KDM2A: variants seen among roughly 807,000 people sequenced by gnomAD.
KDM2A encodes the protein lysine demethylase 2A, also known as lysine-specific demethylase 2A.
Under a neutral mutation model 137.3 loss-of-function variants are expected in KDM2A, and 3 were observed. The ratio of observed to expected loss-of-function variants is 0.02; its 90% CI spans 0.01 to 0.06. KDM2A has a LOEUF of 0.06. Ranked by LOEUF, KDM2A falls within the 10% of genes least tolerant of loss-of-function variation. KDM2A has a pLI of 1.00. For synonymous variants in KDM2A, 512 were observed against 541.5 expected (o/e 0.95, Z 0.76); for missense variants, 738 against 1,510.6 (o/e 0.49, Z 8.48).
chr11:67,224,389 T>G (rs956121935), intron 10 of KDM2A, among the ~76,000 whole-genome samples: 11 of 152,020 alleles, frequency 7.2e-5, no homozygotes, highest in Admixed American at 5.2e-4. Context: ...GAAGGATCAC[T>G]TAATCCCAGG....
chr11:67,254,511 T>C lies in KDM2A; in HGVS notation c.3307+93T>C. On this transcript the variant is annotated intron_variant, in intron 20 of 20. Transcript: ENST00000529006. The surrounding 1 kb of genome is among the most constrained non-coding windows in gnomAD (Gnocchi z 4.7). ...GTAAACCAGAATGACCTTGGGTCTG[T>C]TGATTGACCCACATCAGCTCATTTC... is the stretch of plus-strand genomic sequence containing the variant. 1 of 1,073,120 alleles carries C rather than the reference T, an allele frequency of 9.3e-7. No homozygotes were observed. Among genetic ancestry groups the C allele is most frequent in the Non-Finnish European group, 1.4e-6 (1 of 702,584 alleles). The allele number at this position is 1,073,120 out of a possible 1,614,324, so 66.5% of individuals were successfully genotyped here. A position where few individuals can be genotyped will look rare whatever the true frequency, so the allele number is the denominator to read the frequency against.
chr11:67,126,929 A>T (rs921990126), intron 2 of KDM2A, among the ~76,000 whole-genome samples: 7 of 151,846 alleles, frequency 4.6e-5, no homozygotes. Context: ...GTAAGACTTA[A>T]TTTTTTTTAG....
chr11:67,248,594 C>G, intron 16 of KDM2A: 1 of 467,940 alleles, frequency 2.1e-6, no homozygotes, highest in Non-Finnish European at 3.9e-6. Context: ...CACTTGGGAT[C>G]TGCAAATTCC....
chr11:67,229,978 C>G (rs1236821392), intron 11 of KDM2A, among the ~76,000 whole-genome samples: 1 of 151,926 alleles, frequency 6.6e-6, no homozygotes, highest in African/African-American at 2.4e-5. Flanking sequence ...AGATCGAGAC[C>G]ATCCTGGCTA....
At chr11:67,199,591 A>C (rs1857567310) in intron 5 of KDM2A, among the ~76,000 whole-genome samples, 1 of 152,228 alleles carries the variant, frequency 6.6e-6, no homozygotes, top group South Asian at 2.1e-4. Flanking sequence ...TAAAGCCCTG[A>C]TTCTCTTTAA....
chr11:67,123,875 C>T (rs1311834415), intron 2 of KDM2A, among the ~76,000 whole-genome samples: 1 of 151,940 alleles, frequency 6.6e-6, no homozygotes, highest in African/African-American at 2.4e-5. Context: ...CTGAGTTTCA[C>T]CTTGTTGGCC....
chr11:67,173,909 G>C (rs1285527149), intron 2 of KDM2A, among the ~76,000 whole-genome samples: 2 of 151,198 alleles, frequency 1.3e-5, no homozygotes, highest in Non-Finnish European at 3.0e-5. Context: ...ATAGGGTCTT[G>C]GTATGTTGCC....
chr11:67,180,286 G>GTACT, intron 3 of KDM2A, 69 bp downstream of exon 3: 1 of 1,497,440 alleles, frequency 6.7e-7, no homozygotes, highest in Non-Finnish European at 9.0e-7. Context: ...AGCATTGGGG[G>GTACT]TTTAGCCTTT....
rs1376342927 is a variant in KDM2A, at chr11:67,215,441, G to A, written c.588G>A (p.Val196=). ...TCTTGGAGATGCAGTACCCTAAAGT[G>A]CAGAAGTAAGTGATGCGCCCTGCAT... ...NAILEMQYPK[V]QKYCLMSVRG... The change falls in exon 7 of 21, where the codon GTG becomes GTA. Residue 196 remains valine (V), a synonymous_variant. Transcript: ENST00000529006. 7 of 1,607,410 alleles carry A rather than the reference G, an allele frequency of 4.4e-6. No homozygotes were observed. The Admixed American group carries it at 1.0e-4, about 23-fold the overall frequency.
Position 67,159,722 on chromosome 11 carries a change from A to G in KDM2A, c.43-20357A>G, listed in dbSNP as rs540359024. ...GTCAGGCATTTGATAGGTACTGGGA[A>G]GACAGTGGTGAAAAAGAGATTTCTA... On this transcript the variant is annotated intron_variant, in intron 2 of 20. Coordinates refer to ENST00000529006, the MANE Select transcript of KDM2A (RefSeq NM_012308.3). Among the ~76,000 whole-genome samples the G allele has an allele frequency of 2.6e-5, 4 of 152,346 alleles. No homozygotes were observed. The South Asian group carries it at 6.2e-4, about 24-fold the overall frequency.
At position 67,250,906 on chromosome 11, in the gene KDM2A, T is replaced by C. The variant is rs1859401617; in HGVS notation, c.2768+108T>C. ...GCATCTGAAAGCCTGTGGGGTCTTATGAGGAGTGAATTGACCCTTTTTCCC... is the reference window on the plus strand; with the variant it reads ...GCATCTGAAAGCCTGTGGGGTCTTACGAGGAGTGAATTGACCCTTTTTCCC... On this transcript the variant is annotated intron_variant, in intron 17 of 20. Coordinates refer to ENST00000529006, the MANE Select transcript of KDM2A (RefSeq NM_012308.3). The surrounding 1 kb of genome is among the most constrained non-coding windows in gnomAD (Gnocchi z 7.1). 2.0e-5 allele frequency: 17 copies of C among 848,342 alleles called. No individual in the cohort carries two copies. The highest frequency in any genetic ancestry group is 5.1e-5 in the African/African-American group (3 of 58,968). 52.6% of individuals were successfully genotyped at this position (848,342 alleles called of 1,614,324 possible).
chr11:67,181,972 T>G, intron 5 of KDM2A, 80 bp downstream of exon 5: 1 of 1,194,154 alleles, frequency 8.4e-7, no homozygotes, highest in Non-Finnish European at 1.2e-6. Flanking sequence ...GACTGAGATT[T>G]AAGGCCTAGG....
At chr11:67,236,643 T>G (rs779124889) in intron 12 of KDM2A, among the ~76,000 whole-genome samples, 4 of 152,216 alleles carry the variant, frequency 2.6e-5, no homozygotes, top group South Asian at 4.1e-4. Flanking sequence ...AATCATACTT[T>G]GTGACTTTTG....
intron 15 of KDM2A, 106 bp from the exon 16 acceptor site, chr11:67,248,175 A>G (rs1041250115): frequency 1.2e-6 from 1 of 822,842 alleles, no homozygotes; most frequent in Non-Finnish European, 2.0e-6. Context: ...TTCTCCCTTT[A>G]TGGACCAATG....
intron 2 of KDM2A, among the ~76,000 whole-genome samples, chr11:67,168,582 TACACACACACACACACACACAC>T (rs71056179): frequency 2.9e-5 from 1 of 33,982 alleles, no homozygotes; most frequent in African/African-American, 1.3e-4. Flanking sequence ...GTATGAATTA[TACACACACACACACACACACAC>T]ACACACACAC....
intron 8 of KDM2A, chr11:67,217,502 A>T: frequency 1.9e-6 from 1 of 537,450 alleles, no homozygotes. Flanking sequence ...TGGATGGTGT[A>T]TAGTCAAACC....
intron 2 of KDM2A, among the ~76,000 whole-genome samples, chr11:67,124,982 C>T (rs1470578266): frequency 5.9e-5 from 9 of 151,450 alleles, no homozygotes; most frequent in East Asian, 5.9e-4. Flanking sequence ...CTCAGACTCC[C>T]GAGTAGCTAG....
At chr11:67,206,257 G>A (rs1205067549) in intron 5 of KDM2A, among the ~76,000 whole-genome samples, 1 of 152,174 alleles carries the variant, frequency 6.6e-6, no homozygotes, top group South Asian at 2.1e-4. Flanking sequence ...ATGGCAAAAC[G>A]CTGACTTTAC....
At chr11:67,241,037 G>A (rs904779132) in intron 12 of KDM2A, among the ~76,000 whole-genome samples, 5 of 152,142 alleles carry the variant, frequency 3.3e-5, no homozygotes, top group African/African-American at 1.2e-4. Context: ...TTCTACTCTT[G>A]AACAATCGCA....
Sources: allele counts gnomAD v4.1 joint callset (sites outside exome capture counted in the v4.1 genomes callset), GRCh38; gene constraint gnomAD v4.1.1; non-coding constraint Gnocchi (gnomAD v3.1); transcripts MANE v1.5; gene names NCBI Gene and HGNC (gene_info 2026-07-23, HGNC 2026-07-21).